Variants in TRIM40 observed in about 807,000 individuals in gnomAD.
TRIM40 encodes the protein E3 ubiquitin ligase TRIM40.
A neutral mutation model predicts 26.1 loss-of-function variants in TRIM40; 27 were observed. The ratio of observed to expected loss-of-function variants is 1.04; its 90% confidence interval spans 0.76 to 1.43. TRIM40 has a LOEUF of 1.43. TRIM40 is among the 40% of genes most tolerant of loss of function. The pLI is 0.00. For missense variants in TRIM40, 289 were observed against 307.9 expected, an observed-to-expected ratio of 0.94 and a Z score of 0.46; for synonymous variants, 114 against 120.0, an observed-to-expected ratio of 0.95 and a Z score of 0.33.
chr6:30,136,786 T>C lies in TRIM40; in HGVS notation c.-251T>C. The stretch of plus-strand genomic sequence containing the variant: ...AAACACAAGGAAACCGCAGGGTCCA[T>C]GTCAAAGCTGATGAGCTATTTCTGA... On this transcript the variant is annotated 5_prime_UTR_variant, in exon 2 of 6. An upstream start codon of the reference 5' UTR is lost. Coordinates refer to ENST00000396581, the MANE Select transcript of TRIM40 (RefSeq NM_001286633.2). The C allele has an allele frequency of 7.3e-6, 4 of 546,826 alleles. No homozygotes were observed. The highest frequency in any genetic ancestry group is 9.5e-4 in the Middle Eastern group (2 of 2,100). 33.9% of individuals were successfully genotyped at this position (546,826 alleles called of 1,614,324 possible).
intron 4 of TRIM40, 132 bp from the exon 5 acceptor site, chr6:30,147,388 G>A: frequency 2.1e-6 from 3 of 1,425,802 alleles, no homozygotes; most frequent in South Asian, 1.2e-5. Context: ...GCACAGAAGA[G>A]GGGTGTTGCT....
At position 30,137,199 on chromosome 6, in the gene TRIM40, C is replaced by G. The variant is rs867130185; in HGVS notation, c.163C>G (p.Leu55Val). The change falls in exon 2 of 6, where the codon CTC (leucine) becomes GTC (valine). Residue 55 changes from leucine to valine, a missense_variant. Transcript: ENST00000396581. ...ASASGVFCCP[L>V]CRKPCSEEVL... ...AGCCTCTGGGGTCTTCTGCTGCCCC[C>G]TCTGCCGGAAGCCCTGTTCTGAGGA... 1 of 1,612,986 alleles carries G rather than the reference C, an allele frequency of 6.2e-7. No individual in the cohort carries two copies. The highest frequency in any genetic ancestry group is 8.5e-7 in the Non-Finnish European group (1 of 1,180,028).
In TRIM40 at chr6:30,147,838, T is replaced by G; in HGVS notation, c.*26T>G. Reference sequence around the variant, plus strand: ...CCTGTTCATCCCTGGGACACCTCACTTCAGGCTCACCTCAGCCTCCTCTCT... The same window carrying G: ...CCTGTTCATCCCTGGGACACCTCACGTCAGGCTCACCTCAGCCTCCTCTCT... On this transcript the variant is annotated 3_prime_UTR_variant, in exon 6 of 6. Coordinates refer to ENST00000396581, the MANE Select transcript of TRIM40 (RefSeq NM_001286633.2). 1 of 1,604,376 alleles carries G rather than the reference T, an allele frequency of 6.2e-7. No homozygotes were observed. Among genetic ancestry groups the G allele is most frequent in the Non-Finnish European group, 8.5e-7 (1 of 1,171,148 alleles).
Position 30,137,239 on chromosome 6 carries a change from G to C in TRIM40, c.203G>C (p.Gly68Ala). Residue 68 changes from glycine to alanine, a missense_variant, in exon 2 of 6, where the codon GGC becomes GCC. Coordinates refer to ENST00000396581, the MANE Select transcript of TRIM40 (RefSeq NM_001286633.2). ...KPCSEEVLGT[G>A]YICPNHQKRV... ...TGTTCTGAGGAGGTGCTAGGGACAGGCTATATCTGCCCCAACCACCAGAAG... is the reference window on the plus strand; with the variant it reads ...TGTTCTGAGGAGGTGCTAGGGACAGCCTATATCTGCCCCAACCACCAGAAG... 5 of 1,613,078 alleles carry C rather than the reference G, an allele frequency of 3.1e-6. No homozygotes were observed. Among genetic ancestry groups the C allele is most frequent in the Non-Finnish European group, 4.2e-6 (5 of 1,180,042 alleles).
chr6:30,143,200 T>A (rs1221231591), intron 2 of TRIM40, among the ~76,000 whole-genome samples: 4 of 152,162 alleles, frequency 2.6e-5, no homozygotes, highest in African/African-American at 4.8e-5. Flanking sequence ...TTAAACCTCA[T>A]GTGCCCTGAC....
rs747149506 is a variant in TRIM40, at chr6:30,146,994, G to A, written c.451G>A (p.Asp151Asn). ...KKLQALQFQV[D>N]HGNHRLEAGP... ...AGCCCCTTTCCTGTAGTTTCAGGTA[G>A]ACCACGGGAACCACAGGCTGGAGGC... is the stretch of plus-strand genomic sequence containing the variant. Residue 151 changes from aspartate (D) to asparagine (N), a missense_variant, in exon 4 of 6, where the codon GAC becomes AAC. Transcript: ENST00000396581. The A allele has an allele frequency of 1.8e-5, 28 of 1,592,202 alleles. No homozygotes were observed. Among genetic ancestry groups the A allele is most frequent in the Non-Finnish European group, 2.2e-5 (26 of 1,169,796 alleles).
chr6:30,136,794 C>G lies in TRIM40; in HGVS notation c.-243C>G. On this transcript the variant is annotated 5_prime_UTR_variant, in exon 2 of 6. Transcript: ENST00000396581. ...GGAAACCGCAGGGTCCATGTCAAAG[C>G]TGATGAGCTATTTCTGAAACTCGTG... 3.6e-6 allele frequency: 2 copies of G among 552,024 alleles called. No individual in the cohort carries two copies. The highest frequency in any genetic ancestry group is 6.4e-6 in the Non-Finnish European group (2 of 311,332). 34.2% of individuals were successfully genotyped at this position (552,024 alleles called of 1,614,324 possible). A position where few individuals can be genotyped will look rare whatever the true frequency, so the allele number is the denominator to read the frequency against.
intron 2 of TRIM40, among the ~76,000 whole-genome samples, chr6:30,138,052 T>C (rs1771120355): frequency 6.8e-6 from 1 of 145,990 alleles, no homozygotes; most frequent in African/African-American, 2.5e-5. Flanking sequence ...TGTGTGTGCT[T>C]ATGAATGCAC....
Position 30,136,934 on chromosome 6 carries a change from A to C in TRIM40, c.-103A>C. 2.5e-6 allele frequency: 3 copies of C among 1,220,736 alleles called. No homozygotes were observed. Among genetic ancestry groups the C allele is most frequent in the Non-Finnish European group, 3.4e-6 (3 of 881,614 alleles). The allele number at this position is 1,220,736 out of a possible 1,614,324, so 75.6% of individuals were successfully genotyped here. A position where few individuals can be genotyped will look rare whatever the true frequency, so the allele number is the denominator to read the frequency against. ...GCTGCTCCAGGGCTGCCTCCTTCCG[A>C]CTGGGCCTTCTTATCTGGGACTGTT... On this transcript the variant is annotated 5_prime_UTR_variant, in exon 2 of 6. Coordinates refer to ENST00000396581, the MANE Select transcript of TRIM40 (RefSeq NM_001286633.2).
chr6:30,137,253 A>C lies in TRIM40; in HGVS notation c.217A>C (p.Asn73His), dbSNP rs1190812698. 8.7e-6 allele frequency: 14 copies of C among 1,612,952 alleles called. No individual in the cohort carries two copies. Among genetic ancestry groups the C allele is most frequent in the Non-Finnish European group, 7.6e-6 (9 of 1,180,018 alleles). Residue 73 changes from asparagine (N) to histidine (H), a missense_variant, in exon 2 of 6, where the codon AAC becomes CAC. Coordinates refer to ENST00000396581, the MANE Select transcript of TRIM40 (RefSeq NM_001286633.2). ...EVLGTGYICP[N>H]HQKRVCRFCE... Reference sequence around the variant, plus strand: ...GCTAGGGACAGGCTATATCTGCCCCAACCACCAGAAGAGGGTGTGCAGGTT... The same window carrying C: ...GCTAGGGACAGGCTATATCTGCCCCCACCACCAGAAGAGGGTGTGCAGGTT...
chr6:30,143,660 A>G (rs115376041), intron 2 of TRIM40, among the ~76,000 whole-genome samples: 1,680 of 152,106 alleles, frequency 0.011, 25 homozygotes, highest in African/African-American at 0.034. Flanking sequence ...TTTTTCTCTG[A>G]GGAATATTTT....
At position 30,136,992 on chromosome 6, in the gene TRIM40, A is replaced by T; in HGVS notation, c.-45A>T. On this transcript the variant is annotated 5_prime_UTR_variant, in exon 2 of 6. Transcript: ENST00000396581. ...ACAGGCCTTCCGAAGACCAGTGAAG[A>T]AGGAGGCCCTGCAAACAGGAGGCTG... 6.3e-7 allele frequency: 1 copy of T among 1,578,252 alleles called. No homozygotes were observed. Among genetic ancestry groups the T allele is most frequent in the Non-Finnish European group, 8.6e-7 (1 of 1,158,998 alleles).
chr6:30,147,358 GTGC>G, intron 4 of TRIM40, 149 bp downstream of exon 4: 14 of 1,356,368 alleles, frequency 1.0e-5, no homozygotes, highest in Non-Finnish European at 1.5e-5. Context: ...AGGCTACAGA[GTGC>G]TGCTGCAGCA....
intron 2 of TRIM40, among the ~76,000 whole-genome samples, chr6:30,141,745 G>C (rs1771358416): frequency 6.6e-6 from 1 of 152,162 alleles, no homozygotes; most frequent in Non-Finnish European, 1.5e-5. Flanking sequence ...CATAATATTT[G>C]AGGAAGGAAC....
At chr6:30,145,478 A>G (rs1039124175) in intron 2 of TRIM40, among the ~76,000 whole-genome samples, 11 of 152,194 alleles carry the variant, frequency 7.2e-5, no homozygotes, top group African/African-American at 2.7e-4. Context: ...CGACACATCC[A>G]GATGCTGATT....
At chr6:30,146,531 C>T (rs1771666407) in intron 3 of TRIM40, among the ~76,000 whole-genome samples, 1 of 152,282 alleles carries the variant, frequency 6.6e-6, no homozygotes, top group Non-Finnish European at 1.5e-5. Flanking sequence ...CCTGCCTCAG[C>T]CTCCCGAGTA....
chr6:30,145,324 C>T (rs925066677), intron 2 of TRIM40, among the ~76,000 whole-genome samples: 8 of 151,172 alleles, frequency 5.3e-5, no homozygotes, highest in African/African-American at 2.0e-4. Context: ...TATCATTCAC[C>T]CTCCAACTGC....
In TRIM40 at chr6:30,146,086, G is replaced by C. The variant is rs748622927; in HGVS notation, c.438G>C (p.Leu146=). The C allele has an allele frequency of 6.2e-7, 1 of 1,612,622 alleles. No individual in the cohort carries two copies. The highest frequency in any genetic ancestry group is 8.5e-7 in the Non-Finnish European group (1 of 1,179,838). ...KAQQEKKLQA[L]QFQVDHGNHR... ...AGCAGGAGAAGAAACTGCAGGCTCT[G>C]CAGGTGGGTTTTTCGGGTTCCTGGG... Residue 146 remains leucine, a synonymous_variant, in exon 3 of 6, where the codon CTG becomes CTC. Transcript: ENST00000396581.
intron 3 of TRIM40, among the ~76,000 whole-genome samples, 173 bp downstream of exon 3, chr6:30,146,262 C>T (rs552998374): frequency 9.2e-5 from 14 of 152,256 alleles, no homozygotes; most frequent in African/African-American, 2.4e-4. Flanking sequence ...GAGTGACCTA[C>T]GCAAGTTAAG....
Sources: allele counts gnomAD v4.1 joint callset (sites outside exome capture counted in the v4.1 genomes callset), GRCh38; gene constraint gnomAD v4.1.1; transcripts MANE v1.5; gene names NCBI Gene and HGNC (gene_info 2026-07-23, HGNC 2026-07-21).